DNAH5: variants seen among roughly 807,000 people sequenced by gnomAD.
DNAH5 encodes axonemal beta dynein heavy chain 5.
Under a neutral mutation model 518.2 loss-of-function variants are expected in DNAH5, and 372 were observed. That is an observed-to-expected ratio of 0.72 (90% CI 0.66 to 0.78). The LOEUF is 0.78. DNAH5 is among the 30% of genes least tolerant of loss of function. DNAH5 has a pLI of 0.00. For synonymous variants in DNAH5, 2,039 were observed against 2,025.9 expected, an observed-to-expected ratio of 1.01 and a Z score of -0.17; for missense variants, 5,523 against 5,687.0, an observed-to-expected ratio of 0.97 and a Z score of 0.93.
rs754976621 is a variant in DNAH5 at position 13,829,572 on chromosome 5, C to T, written c.6382G>A (p.Val2128Ile). 19 of 1,614,114 alleles carry T rather than the reference C, an allele frequency of 1.2e-5. No individual in the cohort carries two copies. The Admixed American group carries it at 2.7e-4, about 23-fold the overall frequency. Residue 2128 changes from valine to isoleucine, a missense_variant, in exon 38 of 79, where the codon GTT (valine) becomes ATT (isoleucine). Val to Ile is a conservative substitution (Grantham distance 29). This residue lies in a region of DNAH5 where 5,121 missense variants were observed against 5,223.3 expected (regional missense o/e 0.98). Coordinates refer to ENST00000265104, the MANE Select transcript of DNAH5 (RefSeq NM_001369.3). Reference protein sequence around the residue: ...KLASCGFIDNVVLARKFFTLY... With the variant: ...KLASCGFIDNIVLARKFFTLY... ...GTGAAAAACTTCCTGGCCAAAACAA[C>T]GTTGTCAATGAAGCCACAACTAGCC...
chr5:13,914,086 G>A, intron 10 of DNAH5, 128 bp from the exon 11 acceptor site: 1 of 1,108,694 alleles, frequency 9.0e-7, no homozygotes, highest in Middle Eastern at 3.0e-4. Flanking sequence ...GCCTTTGCTT[G>A]TACTCACTCA....
intron 49 of DNAH5, among the ~76,000 whole-genome samples, chr5:13,793,268 G>T (rs1757285229): frequency 6.6e-6 from 1 of 152,092 alleles, no homozygotes; most frequent in African/African-American, 2.4e-5. Context: ...AAACCTCCTT[G>T]CTTAAGAAGT....
chr5:13,939,605 CCT>C (rs1779274305), intron 1 of DNAH5, among the ~76,000 whole-genome samples: 1 of 152,118 alleles, frequency 6.6e-6, no homozygotes, highest in Admixed American at 6.6e-5. Flanking sequence ...CCTTTCCCGG[CCT>C]CTCTCAGAGA....
rs200452908 is a variant in DNAH5, at chr5:13,911,445, G to A, written c.1585C>T (p.Arg529Trp). Residue 529 changes from arginine to tryptophan, a missense_variant, in exon 12 of 79, where the codon CGG becomes TGG. Physicochemically the swap from Arg to Trp is moderately radical, Grantham distance 101. Transcript: ENST00000265104. ...TAATCTTGGTCAAAATCCATTTTCCGCTGGTCTAGGAAATTGTATTCCTTT... is the reference window on the plus strand; with the variant it reads ...TAATCTTGGTCAAAATCCATTTTCCACTGGTCTAGGAAATTGTATTCCTTT... The part of the protein sequence containing the change: ...KKKEYNFLDQ[R>W]KMDFDQDYEE... The A allele has an allele frequency of 5.7e-4, 913 of 1,613,976 alleles. No homozygotes were observed. The highest frequency in any genetic ancestry group is 7.5e-4 in the Non-Finnish European group (881 of 1,179,986).
chr5:13,696,027 C>T (rs113121295), intron 78 of DNAH5, among the ~76,000 whole-genome samples: 1 of 152,112 alleles, frequency 6.6e-6, no homozygotes, highest in South Asian at 2.1e-4. Flanking sequence ...AGGTCTCTAC[C>T]CCTGGTCACC....
chr5:14,011,208 G>GAGCTGGTAACAGCC (rs1400157089), intron 1 of DNAH5, among the ~76,000 whole-genome samples: 2 of 152,154 alleles, frequency 1.3e-5, no homozygotes, highest in Non-Finnish European at 2.9e-5. Context: ...GGGCTAATGA[G>GAGCTGGTAACAGCC]AGCTGGTAAC....
intron 40 of DNAH5, 70 bp from the exon 41 acceptor site, chr5:13,820,569 A>G: frequency 6.3e-7 from 1 of 1,578,318 alleles, no homozygotes. Flanking sequence ...TCACGCCTGT[A>G]ATCCCAACAA....
intron 34 of DNAH5, 80 bp from the exon 35 acceptor site, chr5:13,839,608 C>A: frequency 1.2e-5 from 15 of 1,269,468 alleles, no homozygotes; most frequent in Non-Finnish European, 1.7e-5. Context: ...TCATGTAGAT[C>A]ATAAAGTGAA....
intron 1 of DNAH5, among the ~76,000 whole-genome samples, chr5:13,975,570 TTTAC>T (rs2048054100): frequency 6.6e-6 from 1 of 152,120 alleles, no homozygotes; most frequent in Non-Finnish European, 1.5e-5. Flanking sequence ...TGAGGCAGGG[TTTAC>T]TTACCATATG....
intron 31 of DNAH5, 131 bp from the exon 32 acceptor site, chr5:13,845,124 C>T (rs1765794919): frequency 1.2e-6 from 1 of 818,474 alleles, no homozygotes; most frequent in Non-Finnish European, 1.9e-6. Flanking sequence ...TACGTGACTT[C>T]TCACTGTTTT....
In DNAH5 at chr5:13,714,486, C is replaced by A. The variant is rs1744024775; in HGVS notation, c.13044G>T (p.Gly4348=). Residue 4348 remains glycine, a synonymous_variant, in exon 75 of 79, where the codon GGG becomes GGT. Transcript: ENST00000265104. ...CCACCACCGCCTCCCGGGTCTCATC[C>A]CCTCCACCAGAGGTGTCCTTGGGTT... is the stretch of plus-strand genomic sequence containing the variant. The part of the protein sequence containing the change: ...GIQPKDTSGG[G]DETREAVVAR... The A allele has an allele frequency of 1.2e-6, 2 of 1,614,116 alleles. No individual in the cohort carries two copies. The highest frequency in any genetic ancestry group is 1.7e-6 in the Non-Finnish European group (2 of 1,180,010).
At chr5:13,853,449 C>T (rs539355913) in intron 30 of DNAH5, among the ~76,000 whole-genome samples, 10 of 152,086 alleles carry the variant, frequency 6.6e-5, no homozygotes, top group African/African-American at 1.9e-4. Flanking sequence ...TTCCAAAAAC[C>T]AGAATGCCTC....
At chr5:13,867,446 C>T (rs1769418732) in intron 25 of DNAH5, among the ~76,000 whole-genome samples, 1 of 152,106 alleles carries the variant, frequency 6.6e-6, no homozygotes, top group African/African-American at 2.4e-5. Context: ...AAGAAGGTGC[C>T]TTGCTTCCCC....
chr5:13,810,183 C>A lies in DNAH5; in HGVS notation c.7485G>T (p.Ala2495=). Reference sequence around the variant, plus strand: ...GGCGGCGCCGTCCGTCCAGCTCCAGCGCCGCCCCCGCGCTCCACAGCAGCG... The same window carrying A: ...GGCGGCGCCGTCCGTCCAGCTCCAGAGCCGCCCCCGCGCTCCACAGCAGCG... ...VFALLWSAGA[A]LELDGRRRLE... Residue 2495 remains alanine, a synonymous_variant, in exon 45 of 79, where the codon GCG becomes GCT. Transcript: ENST00000265104. 1 of 1,549,016 alleles carries A rather than the reference C, an allele frequency of 6.5e-7. No individual in the cohort carries two copies. Among genetic ancestry groups the A allele is most frequent in the Non-Finnish European group, 8.7e-7 (1 of 1,145,998 alleles).
intron 3 of DNAH5, among the ~76,000 whole-genome samples, chr5:13,925,598 C>T (rs914843637): frequency 1.3e-5 from 2 of 152,014 alleles, no homozygotes; most frequent in African/African-American, 4.8e-5. Context: ...GGATAAGACC[C>T]AAGGAAAACA....
chr5:13,733,834 G>C (rs898378143), intron 68 of DNAH5, among the ~76,000 whole-genome samples: 1 of 152,026 alleles, frequency 6.6e-6, no homozygotes, highest in East Asian at 1.9e-4. Context: ...TGTTCCCCTA[G>C]GGGTGGTCTT....
Position 13,735,324 on chromosome 5 carries a change from G to T in DNAH5, c.11571-3C>A. 6.2e-7 allele frequency: 1 copy of T among 1,613,514 alleles called. No individual in the cohort carries two copies. The highest frequency in any genetic ancestry group is 1.1e-5 in the South Asian group (1 of 91,028). On this transcript the variant is annotated splice_region_variant and splice_polypyrimidine_tract_variant and intron_variant, in intron 67 of 78. Transcript: ENST00000265104. ...TTGTAATCGGGCTCTTGACAGACCT[G>T]GTGAATAGAATATTTAAATCAGGCT...
At chr5:13,798,630 C>A (rs527587020) in intron 47 of DNAH5, among the ~76,000 whole-genome samples, 2 of 151,562 alleles carry the variant, frequency 1.3e-5, no homozygotes, top group South Asian at 4.2e-4. Flanking sequence ...CAAGATATAA[C>A]CACAAAATGA....
intron 1 of DNAH5, among the ~76,000 whole-genome samples, chr5:13,975,469 A>T (rs149466405): frequency 1.5e-4 from 23 of 152,344 alleles, no homozygotes; most frequent in African/African-American, 5.3e-4. Context: ...GGATTAATTT[A>T]GTCCTTACAT....
Sources: gnomAD v4.1 joint callset for allele counts (sites outside exome capture counted in the v4.1 genomes callset) on GRCh38, gnomAD v4.1.1 for gene constraint, gnomAD v4.1.1 regional missense constraint, MANE v1.5 for transcripts, NCBI Gene and HGNC (gene_info 2026-07-23, HGNC 2026-07-21) for gene names.